JAKMIP1: variants seen among roughly 807,000 people sequenced by gnomAD.
JAKMIP1 encodes janus kinase and microtubule interacting protein 1, also known as janus kinase and microtubule-interacting protein 1.
In JAKMIP1, 33 loss-of-function variants were observed where a neutral mutation model predicts 113.0. The ratio of observed to expected loss-of-function variants is 0.29; its 90% CI spans 0.22 to 0.39. The LOEUF is 0.39. Ranked by LOEUF, JAKMIP1 falls within the 10% of genes least tolerant of loss-of-function variation. The pLI is 1.00. For synonymous variants in JAKMIP1, 480 were observed against 459.9 expected (o/e 1.04, Z -0.56); for missense variants, 813 against 1,080.5 (o/e 0.75, Z 3.47).
At chr4:6,092,694 G>A (rs1049128979) in intron 3 of JAKMIP1, among the ~76,000 whole-genome samples, 4 of 152,224 alleles carry the variant, frequency 2.6e-5, no homozygotes, top group African/African-American at 9.7e-5. Flanking sequence ...TCATTGGAAG[G>A]CAGAGAATAG....
intron 1 of JAKMIP1, among the ~76,000 whole-genome samples, chr4:6,119,362 TGAAGAAACCCCCC>T (rs1716356387): frequency 6.6e-6 from 1 of 151,912 alleles, no homozygotes. Flanking sequence ...TGACCCAACA[TGAAGAAACCCCCC>T]TCTCGGCTAA....
rs568918378 is a variant in JAKMIP1 at position 6,138,200 on chromosome 4, T to C, written c.-147-25203A>G. The stretch of plus-strand genomic sequence containing the variant: ...TCTGTTATCTGCACCTGAACACAGA[T>C]GAAAGCTGGGGTACCCCAGAACCCA... On this transcript the variant is annotated intron_variant, in intron 1 of 20. Transcript: ENST00000409021. This position sits in a 1 kb window ranked among gnomAD's most constrained non-coding sequence, Gnocchi z 6.0. 5.3e-5 allele frequency among the ~76,000 whole-genome samples: 8 copies of C among 152,212 alleles called. No individual in the cohort carries two copies. Among genetic ancestry groups the C allele is most frequent in the Non-Finnish European group, 1.0e-4 (7 of 68,032 alleles).
At position 6,050,112 on chromosome 4, in the gene JAKMIP1, G is replaced by A. The variant is rs1220628225; in HGVS notation, c.1909-240C>T. On this transcript the variant is annotated intron_variant, in intron 14 of 20. Coordinates refer to ENST00000409021, the MANE Select transcript of JAKMIP1 (RefSeq NM_001099433.2). This position sits in a 1 kb window ranked among gnomAD's most constrained non-coding sequence, Gnocchi z 7.4. ...CTAGAAAGGCCATGGAAGCGGGTGA[G>A]TCAGGACGCTGTCCCTGGAGCTGAG... Among the ~76,000 whole-genome samples the A allele has an allele frequency of 1.3e-5, 2 of 152,224 alleles. No individual in the cohort carries two copies. The highest frequency in any genetic ancestry group is 2.9e-5 in the Non-Finnish European group (2 of 68,038).
At chr4:6,070,976 A>G (rs1352951988) in intron 8 of JAKMIP1, among the ~76,000 whole-genome samples, 2 of 152,268 alleles carry the variant, frequency 1.3e-5, no homozygotes, top group East Asian at 3.8e-4. Context: ...GAAAAAATGG[A>G]CAGACTTTAC....
At chr4:6,084,721 T>A in intron 5 of JAKMIP1, 125 bp downstream of exon 5, 1 of 1,005,478 alleles carries the variant, frequency 9.9e-7, no homozygotes, top group East Asian at 2.7e-5. Flanking sequence ...CGAAAAGAAG[T>A]AAGAAGGAAA....
intron 3 of JAKMIP1, among the ~76,000 whole-genome samples, chr4:6,091,652 C>T (rs1044703574): frequency 1.3e-5 from 2 of 152,170 alleles, no homozygotes; most frequent in South Asian, 2.1e-4. Flanking sequence ...GATGACAGCT[C>T]CCCTGAACAC....
At chr4:6,160,240 A>T (rs1441128545) in intron 1 of JAKMIP1, among the ~76,000 whole-genome samples, 1 of 152,176 alleles carries the variant, frequency 6.6e-6, no homozygotes, top group Non-Finnish European at 1.5e-5. Flanking sequence ...GTCAGGTATG[A>T]GATGTAACTG....
At chr4:6,062,660 G>T (rs1283611677) in intron 9 of JAKMIP1, among the ~76,000 whole-genome samples, 1 of 152,192 alleles carries the variant, frequency 6.6e-6, no homozygotes, top group African/African-American at 2.4e-5. Context: ...GGAAAGGGCT[G>T]CCAGGAGGAG....
intron 12 of JAKMIP1, among the ~76,000 whole-genome samples, chr4:6,055,731 G>T (rs1716307769): frequency 6.6e-6 from 1 of 151,774 alleles, no homozygotes; most frequent in Non-Finnish European, 1.5e-5. Flanking sequence ...GTCCCCAGAG[G>T]TCGGGCCAGC....
At chr4:6,030,918 C>T (rs1275373185) in intron 19 of JAKMIP1, among the ~76,000 whole-genome samples, 5 of 152,142 alleles carry the variant, frequency 3.3e-5, no homozygotes, top group African/African-American at 4.8e-5. Flanking sequence ...CTCCAGCATG[C>T]TCCCAGGTGA....
At chr4:6,072,307 C>T (rs905715916) in intron 8 of JAKMIP1, among the ~76,000 whole-genome samples, 2 of 152,220 alleles carry the variant, frequency 1.3e-5, no homozygotes, top group Non-Finnish European at 2.9e-5. Flanking sequence ...AGGGTACATT[C>T]TTAACCTTAG....
chr4:6,171,403 A>AACC (rs1724688281), intron 1 of JAKMIP1, among the ~76,000 whole-genome samples: 1 of 126,332 alleles, frequency 7.9e-6, no homozygotes, highest in African/African-American at 3.1e-5. Context: ...CATTATCACC[A>AACC]ACCACCACCA....
chr4:6,189,523 T>G (rs1727010337), intron 1 of JAKMIP1, among the ~76,000 whole-genome samples: 1 of 152,186 alleles, frequency 6.6e-6, no homozygotes, highest in South Asian at 2.1e-4. Context: ...ACACTGACAT[T>G]ATGGGAATCT....
rs759849339 is a variant in JAKMIP1 at position 6,105,770 on chromosome 4, C to T, written c.327G>A (p.Glu109=). Residue 109 remains glutamate (E), a synonymous_variant, in exon 3 of 21, where the codon GAG becomes GAA. Transcript: ENST00000409021. The part of the protein sequence containing the change: ...AARTAKIKEG[E]LQRLQATLNV... Reference sequence around the variant, plus strand: ...TCAGCGTGGCCTGCAGCCGCTGCAGCTCGCCCTCCTTGATCTTGGCGGTGC... The same window carrying T: ...TCAGCGTGGCCTGCAGCCGCTGCAGTTCGCCCTCCTTGATCTTGGCGGTGC... 6.2e-7 allele frequency: 1 copy of T among 1,605,158 alleles called. No homozygotes were observed. Among genetic ancestry groups the T allele is most frequent in the Admixed American group, 1.7e-5 (1 of 59,884 alleles).
chr4:6,035,734 C>T (rs977508693), intron 19 of JAKMIP1, among the ~76,000 whole-genome samples, 170 bp downstream of exon 19: 2 of 152,218 alleles, frequency 1.3e-5, no homozygotes, highest in African/African-American at 2.4e-5. Context: ...TGCCCCGTCA[C>T]GGGGAGATAT....
rs191322142 is a variant in JAKMIP1 at position 6,089,329 on chromosome 4, C to T, written c.625-3700G>A. On this transcript the variant is annotated intron_variant, in intron 3 of 20. Coordinates refer to ENST00000409021, the MANE Select transcript of JAKMIP1 (RefSeq NM_001099433.2). This position sits in a 1 kb window ranked among gnomAD's most constrained non-coding sequence, Gnocchi z 5.3. ...GGTTTGATGGAATTTCTGTCACTTG[C>T]GACCAAAAGAATCACAATCAACAGA... is the stretch of plus-strand genomic sequence containing the variant. Among the ~76,000 whole-genome samples, 5 of 152,196 alleles carry T rather than the reference C, an allele frequency of 3.3e-5. No homozygotes were observed. The highest frequency in any genetic ancestry group is 6.5e-5 in the Admixed American group (1 of 15,278).
rs56874913 is a variant in JAKMIP1 at position 6,084,967 on chromosome 4, TAA to T, written c.835-4_835-3del. On this transcript the variant is annotated splice_region_variant and splice_polypyrimidine_tract_variant and intron_variant, in intron 4 of 20. Coordinates refer to ENST00000409021, the MANE Select transcript of JAKMIP1 (RefSeq NM_001099433.2). ...ATCTCGCTCGTCCATATGTTGATCC[TAA>T]AAAAAAAAAAAAAAAAAAAAAAAAA... 0.033 allele frequency: 12,146 copies of T among 371,904 alleles called. No individual in the cohort carries two copies. The highest frequency in any genetic ancestry group is 0.042 in the Middle Eastern group (33 of 790). The allele number at this position is 371,904 out of a possible 1,614,324, so 23.0% of individuals were successfully genotyped here. A position where few individuals can be genotyped will look rare whatever the true frequency, so the allele number is the denominator to read the frequency against.
At position 6,081,174 on chromosome 4, in the gene JAKMIP1, A is replaced by G. The variant is rs1450108986; in HGVS notation, c.1101+435T>C. 2.6e-5 allele frequency among the ~76,000 whole-genome samples: 4 copies of G among 152,200 alleles called. No individual in the cohort carries two copies. The highest frequency in any genetic ancestry group is 5.9e-5 in the Non-Finnish European group (4 of 68,038). Reference sequence around the variant, plus strand: ...CCTGCCCTGACCACAAACACCAGGCATCCTAGCTGGAGGAGAAACCCCTCT... The same window carrying G: ...CCTGCCCTGACCACAAACACCAGGCGTCCTAGCTGGAGGAGAAACCCCTCT... On this transcript the variant is annotated intron_variant, in intron 6 of 20. Transcript: ENST00000409021. This position sits in a 1 kb window ranked among gnomAD's most constrained non-coding sequence, Gnocchi z 4.6.
intron 2 of JAKMIP1, among the ~76,000 whole-genome samples, chr4:6,109,593 T>C (rs1001016567): frequency 1.3e-5 from 2 of 151,926 alleles, no homozygotes; most frequent in African/African-American, 4.8e-5. Flanking sequence ...TGAGGCTCTG[T>C]ACCCATGCGA....
Sources: allele counts gnomAD v4.1 joint callset (sites outside exome capture counted in the v4.1 genomes callset), GRCh38; gene constraint gnomAD v4.1.1; non-coding constraint Gnocchi (gnomAD v3.1); transcripts MANE v1.5; gene names NCBI Gene and HGNC (gene_info 2026-07-23, HGNC 2026-07-21).